The following CPNE1 variants were observed in gnomAD, a reference collection of about 807,000 sequenced individuals.
CPNE1 encodes the protein copine 1.
CPNE1 carries 58 observed loss-of-function variants against 63.2 expected under a neutral mutation model. That is an observed-to-expected ratio of 0.92 (90% confidence interval 0.74 to 1.14). The LOEUF (loss-of-function observed/expected upper bound fraction) is 1.14, where lower values mean the gene tolerates loss of function less well. CPNE1 is among the 50% of genes most tolerant of loss of function. The probability of loss-of-function intolerance (pLI) is 0.00; values close to 1 mark genes in which losing one functional copy is unlikely to be tolerated. For missense variants in CPNE1, 672 were observed against 661.7 expected (o/e 1.02, Z -0.17); for synonymous variants, 237 against 249.0 (o/e 0.95, Z 0.45).
Position 35,631,251 on chromosome 20 carries a change from A to C in CPNE1, c.801+17T>G. The stretch of plus-strand genomic sequence containing the variant: ...GCTCAGGAATCAGAGCCTTGGTTAC[A>C]TGGGCTTTTGTCTCACCCGACAAAT... On this transcript the variant is annotated intron_variant, in intron 9 of 15. Coordinates refer to ENST00000397443, the MANE Select transcript of CPNE1 (RefSeq NM_152925.3). 1 of 1,614,038 alleles carries C rather than the reference A, an allele frequency of 6.2e-7. No homozygotes were observed. Among genetic ancestry groups the C allele is most frequent in the Non-Finnish European group, 8.5e-7 (1 of 1,179,922 alleles).
chr20:35,639,981 G>A (rs1358039801), intron 1 of CPNE1, among the ~76,000 whole-genome samples: 6 of 152,150 alleles, frequency 3.9e-5, no homozygotes, highest in Non-Finnish European at 8.8e-5. Flanking sequence ...GGGCTCATGT[G>A]TGCCTCAGTA....
intron 1 of CPNE1, among the ~76,000 whole-genome samples, chr20:35,647,740 C>T (rs2033213327): frequency 1.3e-5 from 2 of 151,756 alleles, no homozygotes. Context: ...AGAATAAACC[C>T]AAGAACAGCA....
chr20:35,645,719 G>C (rs2033060850), intron 1 of CPNE1, among the ~76,000 whole-genome samples: 1 of 152,184 alleles, frequency 6.6e-6, no homozygotes, highest in Admixed American at 6.5e-5. Context: ...ATTAGTAGTT[G>C]CATTAATGTC....
At chr20:35,653,552 G>A (rs2033692287) in intron 1 of CPNE1, 1 of 1,614,006 alleles carries the variant, frequency 6.2e-7, no homozygotes, top group Non-Finnish European at 8.5e-7. Context: ...TTTTTAAACT[G>A]AACCAATGCC....
At chr20:35,639,340 CTAT>C (rs1363900448) in intron 1 of CPNE1, among the ~76,000 whole-genome samples, 2 of 151,718 alleles carry the variant, frequency 1.3e-5, no homozygotes, top group African/African-American at 4.8e-5. Flanking sequence ...GTTGGGGAAA[CTAT>C]TATTTTTTTT....
intron 14 of CPNE1, 92 bp from the exon 15 acceptor site, chr20:35,626,895 C>T: frequency 9.2e-7 from 1 of 1,081,226 alleles, no homozygotes; most frequent in Non-Finnish European, 1.4e-6. Context: ...CATAAGAAGT[C>T]CCTTGTTACA....
In CPNE1 at chr20:35,630,432, A is replaced by G. The variant is rs2032044260; in HGVS notation, c.1102+7T>C. 6.2e-7 allele frequency: 1 copy of G among 1,613,694 alleles called. No homozygotes were observed. Among genetic ancestry groups the G allele is most frequent in the South Asian group, 1.1e-5 (1 of 91,074 alleles). Reference sequence around the variant, plus strand: ...AGACCTGCCTCAGGGTGGATGGGGAAACTTACCTGCACAGTAGGGGTTACT... The same window carrying G: ...AGACCTGCCTCAGGGTGGATGGGGAGACTTACCTGCACAGTAGGGGTTACT... On this transcript the variant is annotated splice_region_variant and intron_variant, in intron 13 of 15. Coordinates refer to ENST00000397443, the MANE Select transcript of CPNE1 (RefSeq NM_152925.3).
At chr20:35,651,376 A>C (rs1232658843) in intron 1 of CPNE1, 1 of 152,246 alleles carries the variant, frequency 6.6e-6, no homozygotes, top group African/African-American at 2.4e-5. Context: ...TGTACTCTGT[A>C]TGAAGACTTT....
At chr20:35,639,219 G>T (rs2032662994) in intron 1 of CPNE1, among the ~76,000 whole-genome samples, 1 of 152,202 alleles carries the variant, frequency 6.6e-6, no homozygotes, top group Non-Finnish European at 1.5e-5. Context: ...AAAAGGAGTT[G>T]TTGAAGAAAT....
At chr20:35,638,369 A>C (rs2146301891) in intron 1 of CPNE1, among the ~76,000 whole-genome samples, 1 of 152,330 alleles carries the variant, frequency 6.6e-6, no homozygotes, top group African/African-American at 2.4e-5. Flanking sequence ...GGCACTTCAT[A>C]AAGGAAAATA....
At chr20:35,635,738 G>T (rs1001153578) in intron 1 of CPNE1, among the ~76,000 whole-genome samples, 2 of 152,166 alleles carry the variant, frequency 1.3e-5, no homozygotes, top group African/African-American at 4.8e-5. Flanking sequence ...GATGCCTCCA[G>T]CGTCAGCCCT....
chr20:35,626,377 G>C lies in CPNE1; in HGVS notation c.1478C>G (p.Pro493Arg), dbSNP rs779486998. 3.7e-5 allele frequency: 60 copies of C among 1,613,822 alleles called. No homozygotes were observed. The highest frequency in any genetic ancestry group is 4.9e-5 in the Non-Finnish European group (58 of 1,179,876). The change falls in exon 16 of 16, where the codon CCT becomes CGT. Residue 493 changes from proline to arginine, a missense_variant. Transcript: ENST00000397443. The part of the protein sequence containing the change: ...FVPYRRFQNA[P>R]REALAQTVLA... ...CACGGTCTGTGCCAATGCCTCCCGA[G>C]GGGCCTGCCAAGAAAAGGGAAAAGT... is the stretch of plus-strand genomic sequence containing the variant.
chr20:35,659,882 C>T (rs1470889790), intron 1 of CPNE1, among the ~76,000 whole-genome samples: 1 of 152,014 alleles, frequency 6.6e-6, no homozygotes, highest in East Asian at 1.9e-4. Flanking sequence ...TGTTTTAATT[C>T]GGAGAGAGAA....
At chr20:35,662,623 T>C (rs937083868) in intron 1 of CPNE1, among the ~76,000 whole-genome samples, 8 of 152,204 alleles carry the variant, frequency 5.3e-5, no homozygotes, top group African/African-American at 1.9e-4. Flanking sequence ...CTACAACATC[T>C]ACAGAAGAAA....
intron 1 of CPNE1, among the ~76,000 whole-genome samples, chr20:35,648,307 G>A (rs1388238790): frequency 2.0e-5 from 3 of 152,174 alleles, no homozygotes; most frequent in African/African-American, 4.8e-5. Flanking sequence ...ACCATACCCT[G>A]TAAAAGCTCT....
chr20:35,646,214 C>T lies in CPNE1; in HGVS notation c.1-13291G>A, dbSNP rs753508200. Among the ~76,000 whole-genome samples the T allele has an allele frequency of 1.9e-3, 248 of 133,790 alleles. 3 individuals carry two copies. The highest frequency in any genetic ancestry group is 2.2e-3 in the Non-Finnish European group (145 of 64,984). The allele number at this position is 133,790 out of a possible 152,430, so 87.8% of individuals were successfully genotyped here. A position where few individuals can be genotyped will look rare whatever the true frequency, so the allele number is the denominator to read the frequency against. On this transcript the variant is annotated intron_variant, in intron 1 of 15. Transcript: ENST00000397443. The stretch of plus-strand genomic sequence containing the variant: ...CGAGGTTACAGTGAGCTGACTGTAC[C>T]ACTGCACTCCAGCCTGGGCAGCAGA...
At chr20:35,639,677 T>C (rs2032692997) in intron 1 of CPNE1, among the ~76,000 whole-genome samples, 1 of 152,176 alleles carries the variant, frequency 6.6e-6, no homozygotes, top group Admixed American at 6.5e-5. Flanking sequence ...CTCCCCCTGG[T>C]AAGAGGTTGT....
In CPNE1 at chr20:35,626,792, C is replaced by T. The variant is rs1200051766; in HGVS notation, c.1248G>A (p.Met416Ile). Residue 416 changes from methionine (M) to isoleucine (I), a missense_variant, in exon 15 of 16, where the codon ATG (methionine) becomes ATA (isoleucine). Met to Ile is a conservative substitution (Grantham distance 10). Coordinates refer to ENST00000397443, the MANE Select transcript of CPNE1 (RefSeq NM_152925.3). Reference sequence around the variant, plus strand: ...CAGCACCATCAGTCAGCAGCAACAGCATGAAGTATTGCTGGGGACAAGCCC... The same window carrying T: ...CAGCACCATCAGTCAGCAGCAACAGTATGAAGTATTGCTGGGGACAAGCCC... ...AHQGTASQYF[M>I]LLLLTDGAVT... 1.2e-6 allele frequency: 2 copies of T among 1,613,726 alleles called. No homozygotes were observed. Among genetic ancestry groups the T allele is most frequent in the Non-Finnish European group, 1.7e-6 (2 of 1,179,612 alleles).
intron 1 of CPNE1, chr20:35,650,806 A>C (rs1224740229): frequency 6.6e-6 from 1 of 152,610 alleles, no homozygotes; most frequent in African/African-American, 2.4e-5. Flanking sequence ...TCAGTGTTCC[A>C]CTGACTCACA....
Sources: gnomAD v4.1 joint callset for allele counts (sites outside exome capture counted in the v4.1 genomes callset) on GRCh38, gnomAD v4.1.1 for gene constraint, MANE v1.5 for transcripts, NCBI Gene and HGNC (gene_info 2026-07-23, HGNC 2026-07-21) for gene names.